CHD9: variants seen among roughly 807,000 people sequenced by gnomAD.
The protein encoded by CHD9 is ATP-dependent chromatin remodeler CHD9.
Under a neutral mutation model 316.1 loss-of-function variants are expected in CHD9, and 77 were observed. The observed-to-expected ratio is 0.24, with a 90% CI of 0.20 to 0.29. The LOEUF (loss-of-function observed/expected upper bound fraction) is 0.29, where lower values mean the gene tolerates loss of function less well. Ranked by LOEUF, CHD9 falls within the 10% of genes least tolerant of loss-of-function variation. CHD9 has a pLI of 1.00. For missense variants in CHD9, 2,763 were observed against 3,438.1 expected, an observed-to-expected ratio of 0.80 and a Z score of 4.91; for synonymous variants, 1,129 against 1,158.3, an observed-to-expected ratio of 0.97 and a Z score of 0.51.
intron 9 of CHD9, 31 bp from the exon 10 acceptor site, chr16:53,231,616 C>A (rs781112457): frequency 1.3e-5 from 19 of 1,500,470 alleles, no homozygotes; most frequent in Admixed American, 4.3e-5. Flanking sequence ...GTGTCTTTTT[C>A]AAAATGGTAA....
intron 3 of CHD9, among the ~76,000 whole-genome samples, chr16:53,219,296 A>G (rs1235058139): frequency 2.0e-5 from 3 of 152,178 alleles, no homozygotes; most frequent in African/African-American, 7.2e-5. Context: ...AGTTATATGA[A>G]CATGAAGCGT....
chr16:53,197,378 A>G (rs1270467779), intron 2 of CHD9, among the ~76,000 whole-genome samples: 1 of 152,166 alleles, frequency 6.6e-6, no homozygotes, highest in Non-Finnish European at 1.5e-5. Flanking sequence ...TTTACTCAAC[A>G]ATACACGAAC....
chr16:53,268,026 C>T lies in CHD9; in HGVS notation c.4617C>T (p.Cys1539=). ...TTTGCCGAGCTCTCTTAGCATATTG[C>T]CTTGTTCACTACCGAGGAGATGAGA... ...EIICRALLAY[C]LVHYRGDEKI... The change falls in exon 22 of 39, where the codon TGC becomes TGT. Residue 1539 remains cysteine, a synonymous_variant. Coordinates refer to ENST00000447540, the MANE Select transcript of CHD9 (RefSeq NM_001308319.2). The T allele has an allele frequency of 6.2e-7, 1 of 1,613,324 alleles. No individual in the cohort carries two copies. Among genetic ancestry groups the T allele is most frequent in the Non-Finnish European group, 8.5e-7 (1 of 1,179,488 alleles).
At chr16:53,109,586 T>C (rs2037665542) in intron 1 of CHD9, among the ~76,000 whole-genome samples, 1 of 151,260 alleles carries the variant, frequency 6.6e-6, no homozygotes, top group African/African-American at 2.4e-5. Flanking sequence ...CCACCTGCCT[T>C]GGCCTCCCAA....
chr16:53,073,811 T>A (rs1380754675), intron 1 of CHD9, among the ~76,000 whole-genome samples: 1 of 152,228 alleles, frequency 6.6e-6, no homozygotes, highest in African/African-American at 2.4e-5. Flanking sequence ...CAATTAAACC[T>A]CCTTTTCTTC....
At chr16:53,267,602 T>G in intron 21 of CHD9, 112 bp downstream of exon 21, 1 of 769,400 alleles carries the variant, frequency 1.3e-6, no homozygotes, top group South Asian at 2.5e-5. Flanking sequence ...TAAAATTTAC[T>G]TTTAAAGTAC....
intron 17 of CHD9, 192 bp downstream of exon 17, chr16:53,250,258 T>C (rs2050013213): frequency 1.8e-6 from 1 of 553,368 alleles, no homozygotes; most frequent in South Asian, 2.4e-5. Flanking sequence ...CAAAAATTTT[T>C]ACTTTTTTAT....
intron 1 of CHD9, among the ~76,000 whole-genome samples, chr16:53,085,809 G>A (rs998476584): frequency 6.6e-6 from 1 of 152,214 alleles, no homozygotes; most frequent in African/African-American, 2.4e-5. Context: ...TTTTCTGTGA[G>A]TTGCTCCTCT....
chr16:53,211,742 ATCAG>A (rs1254868086), intron 3 of CHD9, among the ~76,000 whole-genome samples: 1 of 152,202 alleles, frequency 6.6e-6, no homozygotes, highest in African/African-American at 2.4e-5. Flanking sequence ...AATCATTTAT[ATCAG>A]TCAAAGACAA....
At chr16:53,068,405 C>T (rs1047415350) in intron 1 of CHD9, among the ~76,000 whole-genome samples, 30 of 152,278 alleles carry the variant, frequency 2.0e-4, no homozygotes, top group Non-Finnish European at 3.4e-4. Context: ...TTCTCTTCCC[C>T]GCCGATCCAG....
chr16:53,251,669 C>T (rs961097305), intron 17 of CHD9, among the ~76,000 whole-genome samples: 1 of 152,186 alleles, frequency 6.6e-6, no homozygotes, highest in Non-Finnish European at 1.5e-5. Context: ...GGGAGAAAAA[C>T]TAGATTCTGT....
intron 30 of CHD9, among the ~76,000 whole-genome samples, chr16:53,297,858 G>C (rs1292989992): frequency 2.0e-5 from 3 of 152,106 alleles, no homozygotes; most frequent in Non-Finnish European, 1.5e-5. Flanking sequence ...TTTTTTGTCA[G>C]TTCACTGAAT....
At chr16:53,089,122 A>T (rs9746068) in intron 1 of CHD9, among the ~76,000 whole-genome samples, 140,368 of 150,248 alleles carry the variant, frequency 0.93, 65,635 homozygotes, top group East Asian at 1. Flanking sequence ...AAAAAAAAAA[A>T]AATAATAATA....
At chr16:53,172,549 GT>G (rs2042839456) in intron 2 of CHD9, among the ~76,000 whole-genome samples, 1 of 152,042 alleles carries the variant, frequency 6.6e-6, no homozygotes, top group Non-Finnish European at 1.5e-5. Context: ...CAATGGCTGG[GT>G]TTTTAATAGG....
intron 1 of CHD9, among the ~76,000 whole-genome samples, chr16:53,098,019 T>A (rs929922633): frequency 2.0e-5 from 3 of 150,812 alleles, no homozygotes; most frequent in African/African-American, 7.3e-5. Flanking sequence ...ACTCAGGAGG[T>A]TGAGGCAGGA....
chr16:53,195,248 G>T (rs1484063821), intron 2 of CHD9, among the ~76,000 whole-genome samples: 1 of 152,108 alleles, frequency 6.6e-6, no homozygotes, highest in Non-Finnish European at 1.5e-5. Flanking sequence ...GTCATCAAGG[G>T]CAACCACCAT....
At position 53,292,958 on chromosome 16, in the gene CHD9, C is replaced by G; in HGVS notation, c.5416C>G (p.Pro1806Ala). Residue 1806 changes from proline (P) to alanine (A), a missense_variant, in exon 29 of 39, where the codon CCG (proline) becomes GCG (alanine). This residue lies in a region of CHD9 where 183 missense variants were observed against 258.5 expected (regional missense o/e 0.71). Coordinates refer to ENST00000447540, the MANE Select transcript of CHD9 (RefSeq NM_001308319.2). ...AAACAGACAAATTCAGCAGATACAA[C>G]CGACTTTCTCGGTGCCTACCAGTGT... The part of the protein sequence containing the change: ...NKNRQIQQIQ[P>A]TFSVPTSVMQ... 4 of 1,613,804 alleles carry G rather than the reference C, an allele frequency of 2.5e-6. No homozygotes were observed. Among genetic ancestry groups the G allele is most frequent in the Non-Finnish European group, 3.4e-6 (4 of 1,179,828 alleles).
intron 38 of CHD9, among the ~76,000 whole-genome samples, chr16:53,322,018 G>A (rs1335236399): frequency 1.6e-5 from 2 of 121,830 alleles, no homozygotes; most frequent in Non-Finnish European, 3.4e-5. Context: ...TTTTTTTTTA[G>A]ACAGGATCCC....
intron 1 of CHD9, among the ~76,000 whole-genome samples, chr16:53,102,167 C>G (rs1342933957): frequency 1.3e-5 from 2 of 152,138 alleles, no homozygotes; most frequent in African/African-American, 4.8e-5. Flanking sequence ...CCTGGCTGGT[C>G]TTCACTAGGA....
Sources: allele counts gnomAD v4.1 joint callset (sites outside exome capture counted in the v4.1 genomes callset), GRCh38; gene constraint gnomAD v4.1.1; regional missense constraint gnomAD v4.1.1; transcripts MANE v1.5; gene names NCBI Gene and HGNC (gene_info 2026-07-23, HGNC 2026-07-21).